KCNJ3: variants seen among roughly 807,000 people sequenced by gnomAD.
KCNJ3 encodes the protein potassium inwardly rectifying channel subfamily J member 3.
KCNJ3 carries 4 observed loss-of-function variants against 39.2 expected under a neutral mutation model. That is an observed-to-expected ratio of 0.10 (90% CI 0.05 to 0.23). KCNJ3 has a LOEUF of 0.23. Among genes scored for constraint, KCNJ3 ranks in the 10% least tolerant of loss-of-function variants. The pLI, the probability that KCNJ3 is intolerant of heterozygous loss-of-function variation, is 1.00. For missense variants in KCNJ3, 276 were observed against 634.9 expected (o/e 0.43, Z 6.08); for synonymous variants, 230 against 237.4 (o/e 0.97, Z 0.29).
Position 154,809,372 on chromosome 2 carries a change from G to A in KCNJ3, c.920-45355G>A, listed in dbSNP as rs192611636. 3.9e-3 allele frequency among the ~76,000 whole-genome samples: 590 copies of A among 152,286 alleles called. 1 individual carries two copies. The highest frequency in any genetic ancestry group is 6.8e-3 in the Non-Finnish European group (464 of 68,014). On this transcript the variant is annotated intron_variant, in intron 2 of 2. Transcript: ENST00000295101. The stretch of plus-strand genomic sequence containing the variant: ...ATTTCATTACGGAGAAAACTGAGAA[G>A]AGCAGTGAATGATCTTACCTACAAT...
chr2:154,727,958 ATATAT>A (rs1298505212), intron 2 of KCNJ3, among the ~76,000 whole-genome samples: 1 of 150,782 alleles, frequency 6.6e-6, no homozygotes, highest in Non-Finnish European at 1.5e-5. Context: ...TATATGGATA[ATATAT>A]TATCCTGGAA....
chr2:154,782,637 A>G (rs1203118888), intron 2 of KCNJ3, among the ~76,000 whole-genome samples: 3 of 152,094 alleles, frequency 2.0e-5, no homozygotes, highest in Non-Finnish European at 2.9e-5. Flanking sequence ...TGTGTCCCCA[A>G]CTGCTTGTCT....
chr2:154,778,843 G>A (rs976394053), intron 2 of KCNJ3, among the ~76,000 whole-genome samples: 8 of 152,032 alleles, frequency 5.3e-5, no homozygotes, highest in African/African-American at 1.9e-4. Flanking sequence ...GGTCTATGGG[G>A]ATGTAGAAAA....
At chr2:154,712,820 A>C (rs753724849) in intron 2 of KCNJ3, among the ~76,000 whole-genome samples, 23 of 152,046 alleles carry the variant, frequency 1.5e-4, no homozygotes, top group Non-Finnish European at 3.1e-4. Flanking sequence ...AGGTGACGGG[A>C]TAGGGATAAA....
At chr2:154,724,916 G>GTTATATATATATATAT (rs1558856912) in intron 2 of KCNJ3, among the ~76,000 whole-genome samples, 3 of 59,118 alleles carry the variant, frequency 5.1e-5, no homozygotes, top group South Asian at 4.7e-4. Flanking sequence ...ATACATATGA[G>GTTATATATATATATAT]GTATATATAT....
intron 2 of KCNJ3, among the ~76,000 whole-genome samples, chr2:154,736,653 A>G (rs2105171688): frequency 6.6e-6 from 1 of 152,294 alleles, no homozygotes; most frequent in Non-Finnish European, 1.5e-5. Context: ...TATCTTTAAA[A>G]GTATATATAT....
chr2:154,724,916 G>GTTATATATATATATATATATAT (rs1558856912), intron 2 of KCNJ3, among the ~76,000 whole-genome samples: 3 of 59,112 alleles, frequency 5.1e-5, no homozygotes, highest in African/African-American at 3.0e-4. Context: ...ATACATATGA[G>GTTATATATATATATATATATAT]GTATATATAT....
intron 2 of KCNJ3, among the ~76,000 whole-genome samples, chr2:154,829,216 A>C (rs1003285724): frequency 6.6e-6 from 1 of 152,074 alleles, no homozygotes; most frequent in Non-Finnish European, 1.5e-5. Flanking sequence ...TGCACAGATT[A>C]TTTTGTCACC....
intron 1 of KCNJ3, among the ~76,000 whole-genome samples, chr2:154,708,697 A>C (rs2105150837): frequency 6.6e-6 from 1 of 152,322 alleles, no homozygotes; most frequent in South Asian, 2.1e-4. Context: ...GGAAATAAGT[A>C]ATTTTACTCT....
chr2:154,704,290 G>A (rs948840766), intron 1 of KCNJ3, among the ~76,000 whole-genome samples: 1 of 152,016 alleles, frequency 6.6e-6, no homozygotes, highest in Non-Finnish European at 1.5e-5. Flanking sequence ...ATGATAAAGC[G>A]AAGCAGGAAA....
Position 154,839,689 on chromosome 2 carries a change from G to A in KCNJ3, c.920-15038G>A, listed in dbSNP as rs538524704. Among the ~76,000 whole-genome samples, 90 of 152,318 alleles carry A rather than the reference G, an allele frequency of 5.9e-4. 1 individual carries two copies. The highest frequency in any genetic ancestry group is 2.3e-3 in the Admixed American group (35 of 15,294). On this transcript the variant is annotated intron_variant, in intron 2 of 2. Transcript: ENST00000295101. ...TTGCATTTCTCTGATGATCAGTGAT[G>A]ATGAGCATTTTTTCATATGTTTGTT... is the stretch of plus-strand genomic sequence containing the variant.
At chr2:154,808,419 A>G (rs1228478861) in intron 2 of KCNJ3, among the ~76,000 whole-genome samples, 3 of 152,034 alleles carry the variant, frequency 2.0e-5, no homozygotes, top group African/African-American at 7.2e-5. Context: ...GAGGTGGATT[A>G]CACTCTCCTA....
intron 2 of KCNJ3, among the ~76,000 whole-genome samples, chr2:154,836,568 A>G (rs1166053336): frequency 6.6e-6 from 1 of 151,718 alleles, no homozygotes; most frequent in South Asian, 2.1e-4. Context: ...TTGTATATAC[A>G]TGGTCAAAGC....
At chr2:154,847,076 A>C (rs1460370121) in intron 2 of KCNJ3, among the ~76,000 whole-genome samples, 3 of 152,132 alleles carry the variant, frequency 2.0e-5, no homozygotes, top group South Asian at 2.1e-4. Context: ...GAATATGTGG[A>C]GATTTAAAGA....
chr2:154,793,053 A>T (rs1686661253), intron 2 of KCNJ3, among the ~76,000 whole-genome samples: 1 of 152,112 alleles, frequency 6.6e-6, no homozygotes, highest in Non-Finnish European at 1.5e-5. Flanking sequence ...GAATAAATTT[A>T]GGCCACAGGC....
intron 2 of KCNJ3, among the ~76,000 whole-genome samples, chr2:154,778,425 C>T (rs1397215304): frequency 6.6e-6 from 1 of 152,148 alleles, no homozygotes; most frequent in African/African-American, 2.4e-5. Flanking sequence ...GAATAAATGA[C>T]AGACTTCCAT....
At chr2:154,803,597 T>G (rs139375216) in intron 2 of KCNJ3, among the ~76,000 whole-genome samples, 5 of 152,084 alleles carry the variant, frequency 3.3e-5, no homozygotes, top group Non-Finnish European at 7.4e-5. Context: ...AACCAAATTA[T>G]TGTATCCCTT....
intron 2 of KCNJ3, among the ~76,000 whole-genome samples, chr2:154,718,687 G>A (rs1277670665): frequency 6.6e-6 from 1 of 152,086 alleles, no homozygotes; most frequent in Non-Finnish European, 1.5e-5. Flanking sequence ...ACAAAAATAC[G>A]TAAAAAGAAT....
At chr2:154,715,131 T>C (rs1017034825) in intron 2 of KCNJ3, among the ~76,000 whole-genome samples, 4 of 152,202 alleles carry the variant, frequency 2.6e-5, no homozygotes, top group African/African-American at 9.7e-5. Context: ...TAGTAATAAC[T>C]CTCAATTCAA....
Sources: gnomAD v4.1 joint callset for allele counts (sites outside exome capture counted in the v4.1 genomes callset) on GRCh38, gnomAD v4.1.1 for gene constraint, MANE v1.5 for transcripts, NCBI Gene and HGNC (gene_info 2026-07-23, HGNC 2026-07-21) for gene names.